The following SYT10 variants were observed in gnomAD, a reference collection of about 807,000 sequenced individuals.
The protein encoded by SYT10 is synaptotagmin 10, also known as synaptotagmin-10.
A neutral mutation model predicts 51.1 loss-of-function variants in SYT10; 31 were observed. The ratio of observed to expected loss-of-function variants is 0.61; its 90% CI spans 0.46 to 0.82. The LOEUF is 0.82. Ranked by LOEUF, SYT10 falls within the 40% of genes least tolerant of loss-of-function variation. SYT10 has a pLI of 0.00. For missense variants in SYT10, 603 were observed against 634.0 expected (o/e 0.95, Z 0.53); for synonymous variants, 233 against 225.9 (o/e 1.03, Z -0.28).
chr12:33,391,298 G>T (rs909032903), intron 3 of SYT10, among the ~76,000 whole-genome samples: 4 of 151,894 alleles, frequency 2.6e-5, no homozygotes, highest in African/African-American at 9.7e-5. Context: ...GAGATACTTG[G>T]ATTTTAATTA....
intron 2 of SYT10, among the ~76,000 whole-genome samples, chr12:33,418,003 C>T (rs1047294529): frequency 3.3e-5 from 5 of 152,174 alleles, no homozygotes; most frequent in African/African-American, 1.2e-4. Flanking sequence ...TGCTCTGTTT[C>T]TCTAACATAT....
rs760893481 is a variant in SYT10, at chr12:33,426,385, G to T, written c.262C>A (p.Pro88Thr). 1.2e-6 allele frequency: 2 copies of T among 1,614,046 alleles called. No homozygotes were observed. Among genetic ancestry groups the T allele is most frequent in the Admixed American group, 1.7e-5 (1 of 59,996 alleles). The part of the protein sequence containing the change: ...KLCWPCWKSK[P>T]VTSNITTLPQ... Reference sequence around the variant, plus strand: ...AGCGTAGTGATGTTGGAAGTCACAGGTTTGCTTTTCCAGCATGGCCAACAC... The same window carrying T: ...AGCGTAGTGATGTTGGAAGTCACAGTTTTGCTTTTCCAGCATGGCCAACAC... Residue 88 changes from proline to threonine, a missense_variant, in exon 2 of 7, where the codon CCT becomes ACT. Coordinates refer to ENST00000228567, the MANE Select transcript of SYT10 (RefSeq NM_198992.4).
At chr12:33,420,497 A>G (rs571401996) in intron 2 of SYT10, among the ~76,000 whole-genome samples, 2 of 151,972 alleles carry the variant, frequency 1.3e-5, no homozygotes, top group Admixed American at 6.6e-5. Context: ...AAAAAATAAA[A>G]AATAATTAGC....
intron 3 of SYT10, among the ~76,000 whole-genome samples, chr12:33,392,983 A>C (rs1032888861): frequency 1.0e-5 from 1 of 98,940 alleles, no homozygotes; most frequent in Non-Finnish European, 2.1e-5. Context: ...GGTTTTTGCC[A>C]TTAAAAAAAA....
Position 33,374,897 on chromosome 12 carries a change from G to A in SYT10, c.*1933C>T, listed in dbSNP as rs1292397317. On this transcript the variant is annotated 3_prime_UTR_variant, in exon 7 of 7. Transcript: ENST00000228567. ...AAATAATTATACTCACTTAGGAAAC[G>A]TAATTGCTAATTTACTTTAAGCTGC... 3 of 151,850 alleles carry A rather than the reference G, an allele frequency of 2.0e-5. No individual in the cohort carries two copies. Among genetic ancestry groups the A allele is most frequent in the South Asian group, 2.1e-4 (1 of 4,828 alleles). 9.4% of individuals were successfully genotyped at this position (151,850 alleles called of 1,614,324 possible).
intron 2 of SYT10, among the ~76,000 whole-genome samples, chr12:33,415,414 G>A (rs1352898463): frequency 3.9e-5 from 6 of 152,064 alleles, no homozygotes; most frequent in Non-Finnish European, 7.4e-5. Flanking sequence ...TGAGCATGTC[G>A]TGGACCACCT....
intron 1 of SYT10, among the ~76,000 whole-genome samples, chr12:33,438,685 C>G (rs553085218): frequency 6.6e-6 from 1 of 152,292 alleles, no homozygotes; most frequent in African/African-American, 2.4e-5. Flanking sequence ...TAAACGTCTC[C>G]CCTCTCTTCC....
chr12:33,379,042 CT>C (rs942310172), intron 6 of SYT10, among the ~76,000 whole-genome samples: 5 of 152,142 alleles, frequency 3.3e-5, no homozygotes, highest in African/African-American at 1.2e-4. Flanking sequence ...GCCAAGGTCA[CT>C]TTTTTTGTGA....
At chr12:33,403,551 A>C (rs961468585) in intron 3 of SYT10, among the ~76,000 whole-genome samples, 1 of 152,070 alleles carries the variant, frequency 6.6e-6, no homozygotes, top group Non-Finnish European at 1.5e-5. Flanking sequence ...CTTTTAATCC[A>C]GTATTTATTT....
chr12:33,397,857 A>G (rs919015595), intron 3 of SYT10, among the ~76,000 whole-genome samples: 3 of 152,270 alleles, frequency 2.0e-5, no homozygotes, highest in Non-Finnish European at 2.9e-5. Context: ...GGGACAATGG[A>G]CATTTCAGGC....
intron 2 of SYT10, among the ~76,000 whole-genome samples, chr12:33,422,934 T>C (rs1214964498): frequency 1.3e-5 from 2 of 152,282 alleles, no homozygotes; most frequent in East Asian, 3.9e-4. Context: ...GAGTGAAAGA[T>C]ACGTTGACTA....
intron 3 of SYT10, among the ~76,000 whole-genome samples, chr12:33,403,464 ACCT>A (rs1446221570): frequency 6.6e-6 from 1 of 151,924 alleles, no homozygotes; most frequent in East Asian, 1.9e-4. Flanking sequence ...CAAAATCCTG[ACCT>A]CAGGTGATCC....
chr12:33,381,193 G>T (rs117034718), intron 5 of SYT10, among the ~76,000 whole-genome samples: 1 of 152,014 alleles, frequency 6.6e-6, no homozygotes, highest in Non-Finnish European at 1.5e-5. Context: ...TCAAGAGTTC[G>T]CTCTCTCTTT....
intron 1 of SYT10, among the ~76,000 whole-genome samples, chr12:33,428,545 T>C (rs1268132638): frequency 6.6e-6 from 1 of 152,204 alleles, no homozygotes; most frequent in Non-Finnish European, 1.5e-5. Context: ...CTTTAACAAG[T>C]ATATCTTTAG....
rs144074213 is a variant in SYT10 at position 33,425,991 on chromosome 12, A to G, written c.509+147T>C. ...CCTTTCTCTCTTTATTTAATTATCT[A>G]TTTCCTATGTCTTTCCCATTTCTCC... On this transcript the variant is annotated intron_variant, in intron 2 of 6. Transcript: ENST00000228567. 9.0e-4 allele frequency: 715 copies of G among 791,288 alleles called. 5 individuals carry two copies. The African/African-American group carries it at 0.011, about 13-fold the overall frequency. The allele number at this position is 791,288 out of a possible 1,614,324, so 49.0% of individuals were successfully genotyped here.
At chr12:33,419,825 T>A (rs1482735755) in intron 2 of SYT10, among the ~76,000 whole-genome samples, 1 of 152,206 alleles carries the variant, frequency 6.6e-6, no homozygotes, top group Non-Finnish European at 1.5e-5. Context: ...TGAGAACATA[T>A]TATATTACAA....
intron 1 of SYT10, among the ~76,000 whole-genome samples, chr12:33,435,854 A>G (rs187937329): frequency 2.8e-4 from 42 of 152,304 alleles, no homozygotes; most frequent in Non-Finnish European, 5.3e-4. Context: ...TAATAAAATT[A>G]TTTCCCATAT....
intron 3 of SYT10, among the ~76,000 whole-genome samples, chr12:33,400,035 A>G (rs1866289078): frequency 1.3e-5 from 2 of 152,228 alleles, no homozygotes. Context: ...GTTACACCCC[A>G]GGAGACCTGG....
intron 2 of SYT10, among the ~76,000 whole-genome samples, chr12:33,415,706 C>A (rs137891005): frequency 6.6e-6 from 1 of 152,114 alleles, no homozygotes; most frequent in African/African-American, 2.4e-5. Context: ...AATAGCAAGA[C>A]GAAATCAAGT....
Sources: gnomAD v4.1 joint callset for allele counts (sites outside exome capture counted in the v4.1 genomes callset) on GRCh38, gnomAD v4.1.1 for gene constraint, MANE v1.5 for transcripts, NCBI Gene and HGNC (gene_info 2026-07-23, HGNC 2026-07-21) for gene names.